MCU: variants seen among roughly 807,000 people sequenced by gnomAD.
MCU encodes calcium uniporter protein, mitochondrial.
A neutral mutation model predicts 45.2 loss-of-function variants in MCU; 12 were observed. That is an observed-to-expected ratio of 0.27 (90% confidence interval 0.17 to 0.43). The LOEUF is 0.43. Among genes scored for constraint, MCU ranks in the 20% least tolerant of loss-of-function variants. The pLI is 1.00. For synonymous variants in MCU, 160 were observed against 165.1 expected (o/e 0.97, Z 0.24); for missense variants, 324 against 436.7 (o/e 0.74, Z 2.30).
chr10:72,700,491 T>A (rs1479893283), intron 1 of MCU, among the ~76,000 whole-genome samples: 1 of 152,260 alleles, frequency 6.6e-6, no homozygotes, highest in African/African-American at 2.4e-5. Context: ...AATGCATTTA[T>A]TTCACTGCAC....
chr10:72,794,009 C>G (rs757904209), intron 1 of MCU, among the ~76,000 whole-genome samples: 27 of 152,282 alleles, frequency 1.8e-4, no homozygotes, highest in Non-Finnish European at 3.7e-4. Flanking sequence ...ATACCTCTAT[C>G]AGTGCTCCCA....
At chr10:72,753,085 A>T (rs1843525487) in intron 1 of MCU, among the ~76,000 whole-genome samples, 1 of 152,194 alleles carries the variant, frequency 6.6e-6, no homozygotes, top group African/African-American at 2.4e-5. Flanking sequence ...GTTGCTTCAA[A>T]CATTATAGGG....
chr10:72,727,623 A>T (rs1843118101), intron 1 of MCU, among the ~76,000 whole-genome samples: 1 of 152,134 alleles, frequency 6.6e-6, no homozygotes, highest in African/African-American at 2.4e-5. Context: ...GATACTTTGA[A>T]TTCTTCGTGT....
rs1016547513 is a variant in MCU, at chr10:72,887,469, T to G, written c.*1647T>G. On this transcript the variant is annotated 3_prime_UTR_variant, in exon 8 of 8. Transcript: ENST00000373053. ...TTTGTTAAGTTGTGTGAATTATTTT[T>G]AACCCATTTATCCTGTTTGTGCATA... 2 of 152,808 alleles carry G rather than the reference T, an allele frequency of 1.3e-5. No homozygotes were observed. Among genetic ancestry groups the G allele is most frequent in the Non-Finnish European group, 2.9e-5 (2 of 68,060 alleles). The allele number at this position is 152,808 out of a possible 1,614,324, so 9.5% of individuals were successfully genotyped here.
At chr10:72,862,402 C>A (rs1472991038) in intron 4 of MCU, among the ~76,000 whole-genome samples, 1 of 152,182 alleles carries the variant, frequency 6.6e-6, no homozygotes, top group Non-Finnish European at 1.5e-5. Flanking sequence ...CAGTTCCCAA[C>A]CTTTTTGGCA....
At chr10:72,868,564 AAAAGAG>A in intron 4 of MCU, 133 bp from the exon 5 acceptor site, 2 of 740,426 alleles carry the variant, frequency 2.7e-6, no homozygotes, top group Admixed American at 6.0e-5. Flanking sequence ...AAAAAAAAAA[AAAAGAG>A]AGCTATTACT....
intron 6 of MCU, among the ~76,000 whole-genome samples, chr10:72,877,509 A>G (rs1185342646): frequency 1.3e-5 from 2 of 152,142 alleles, no homozygotes; most frequent in African/African-American, 4.8e-5. Flanking sequence ...TCTATTATCT[A>G]TCATCATCAA....
At chr10:72,745,931 T>C (rs916214449) in intron 1 of MCU, among the ~76,000 whole-genome samples, 3 of 152,208 alleles carry the variant, frequency 2.0e-5, no homozygotes, top group Non-Finnish European at 2.9e-5. Flanking sequence ...CATGTAGTTG[T>C]GAACCATTAC....
At chr10:72,722,033 T>C (rs1843028470) in intron 1 of MCU, among the ~76,000 whole-genome samples, 1 of 152,216 alleles carries the variant, frequency 6.6e-6, no homozygotes, top group African/African-American at 2.4e-5. Context: ...CACAGTAACA[T>C]CATTGTGGGT....
chr10:72,767,573 C>T (rs915163410), intron 1 of MCU, among the ~76,000 whole-genome samples: 1 of 151,666 alleles, frequency 6.6e-6, no homozygotes, highest in Non-Finnish European at 1.5e-5. Context: ...GTCTTGAACC[C>T]CTGGGCTCAA....
chr10:72,876,044 G>T (rs1845611926), intron 6 of MCU, among the ~76,000 whole-genome samples: 1 of 152,112 alleles, frequency 6.6e-6, no homozygotes, highest in African/African-American at 2.4e-5. Flanking sequence ...GCCTTAAAAA[G>T]CTACTTAGGG....
intron 2 of MCU, among the ~76,000 whole-genome samples, chr10:72,841,311 T>C (rs908933525): frequency 2.0e-5 from 3 of 151,886 alleles, no homozygotes; most frequent in Middle Eastern, 3.4e-3. Flanking sequence ...AAAAAAAAAT[T>C]TTTTTTTTGA....
intron 1 of MCU, among the ~76,000 whole-genome samples, chr10:72,793,262 G>C (rs1844194985): frequency 6.6e-6 from 1 of 152,166 alleles, no homozygotes; most frequent in Admixed American, 6.5e-5. Context: ...GGGAGAGCCT[G>C]CCTCAAATCC....
chr10:72,847,619 A>G (rs1159286425), intron 2 of MCU, among the ~76,000 whole-genome samples: 1 of 152,224 alleles, frequency 6.6e-6, no homozygotes, highest in East Asian at 1.9e-4. Flanking sequence ...ATAAAATATA[A>G]ATATATGCAA....
intron 4 of MCU, 82 bp downstream of exon 4, chr10:72,860,609 T>C: frequency 9.5e-7 from 1 of 1,056,442 alleles, no homozygotes; most frequent in South Asian, 1.3e-5. Context: ...TTGGGTAACC[T>C]TGAGAAACAG....
At chr10:72,863,030 C>A (rs1845402780) in intron 4 of MCU, among the ~76,000 whole-genome samples, 1 of 151,948 alleles carries the variant, frequency 6.6e-6, no homozygotes, top group Non-Finnish European at 1.5e-5. Context: ...GTTTTCTTTC[C>A]CTCCTACATG....
rs537048095 is a variant in MCU at position 72,811,265 on chromosome 10, G to A, written c.151-23094G>A. 2.0e-4 allele frequency among the ~76,000 whole-genome samples: 30 copies of A among 152,320 alleles called. 1 individual carries two copies. The South Asian group carries it at 6.0e-3, about 30-fold the overall frequency. On this transcript the variant is annotated intron_variant, in intron 1 of 7. Coordinates refer to ENST00000373053, the MANE Select transcript of MCU (RefSeq NM_138357.3). ...GTGGTGGCTGTTGTTTGAGAAAAAGGTTATTGATGTTAAAGGATAGTTGCA... is the reference window on the plus strand; with the variant it reads ...GTGGTGGCTGTTGTTTGAGAAAAAGATTATTGATGTTAAAGGATAGTTGCA...
intron 1 of MCU, among the ~76,000 whole-genome samples, chr10:72,805,101 C>CTCTTTCTTTCTTCCTTTCTTTCTT (rs1554824917): frequency 3.4e-4 from 35 of 103,454 alleles, no homozygotes; most frequent in Admixed American, 9.7e-4. Context: ...TTCTTTCTTT[C>CTCTTTCTTTCTTCCTTTCTTTCTT]TCTTTCTTTC....
intron 2 of MCU, among the ~76,000 whole-genome samples, chr10:72,850,637 T>C (rs560827421): frequency 6.6e-6 from 1 of 152,366 alleles, no homozygotes; most frequent in East Asian, 1.9e-4. Context: ...GTATTCCTTC[T>C]TCAAATGCAA....
Sources: allele counts gnomAD v4.1 joint callset (sites outside exome capture counted in the v4.1 genomes callset), GRCh38; gene constraint gnomAD v4.1.1; transcripts MANE v1.5; gene names NCBI Gene and HGNC (gene_info 2026-07-23, HGNC 2026-07-21).